Variants in DLG2 observed in about 807,000 individuals in gnomAD.
DLG2 encodes the protein discs large MAGUK scaffold protein 2.
A neutral mutation model predicts 132.5 loss-of-function variants in DLG2; 45 were observed. That is an observed-to-expected ratio of 0.34 (90% CI 0.27 to 0.44). DLG2 has a LOEUF of 0.44. Among genes scored for constraint, DLG2 ranks in the 20% least tolerant of loss-of-function variants. The pLI is 1.00. For missense variants in DLG2, 1,045 were observed against 1,196.9 expected (o/e 0.87, Z 1.87); for synonymous variants, 424 against 419.6 (o/e 1.01, Z -0.13).
intron 6 of DLG2, among the ~76,000 whole-genome samples, chr11:84,641,229 C>T (rs2099663031): frequency 6.6e-6 from 1 of 152,162 alleles, no homozygotes; most frequent in Admixed American, 6.5e-5. Context: ...CAAACTCTCT[C>T]TGTCTCAGCT....
chr11:83,687,396 A>G (rs1257609116), intron 18 of DLG2, among the ~76,000 whole-genome samples: 2 of 152,170 alleles, frequency 1.3e-5, no homozygotes, highest in Admixed American at 1.3e-4. Context: ...GTACCGCTTC[A>G]AAGTCTATGC....
intron 3 of DLG2, among the ~76,000 whole-genome samples, chr11:85,311,214 C>T (rs555658244): frequency 6.6e-6 from 1 of 152,110 alleles, no homozygotes; most frequent in East Asian, 1.9e-4. Context: ...TCGATGTTGT[C>T]CATTACAGAT....
intron 6 of DLG2, among the ~76,000 whole-genome samples, chr11:84,836,497 G>A (rs2079796650): frequency 6.6e-6 from 1 of 151,694 alleles, no homozygotes; most frequent in Admixed American, 6.6e-5. Flanking sequence ...AATGTCCCAT[G>A]GACATCAAAG....
At chr11:84,561,570 T>C (rs1354437659) in intron 6 of DLG2, among the ~76,000 whole-genome samples, 1 of 152,168 alleles carries the variant, frequency 6.6e-6, no homozygotes, top group African/African-American at 2.4e-5. Flanking sequence ...TATGTTTTAA[T>C]TGTATTTCAT....
chr11:84,621,819 T>C (rs1037971966), intron 6 of DLG2, among the ~76,000 whole-genome samples: 13 of 152,018 alleles, frequency 8.6e-5, no homozygotes. Flanking sequence ...GGCTGTAAGA[T>C]GCTTGGGGGA....
At chr11:83,927,498 A>G (rs772243045) in intron 15 of DLG2, among the ~76,000 whole-genome samples, 1 of 152,170 alleles carries the variant, frequency 6.6e-6, no homozygotes, top group Admixed American at 6.6e-5. Context: ...GGAAAAGCAT[A>G]TGTGAAACAC....
chr11:83,697,100 G>C (rs959849113), intron 18 of DLG2, among the ~76,000 whole-genome samples: 40 of 152,166 alleles, frequency 2.6e-4, no homozygotes, highest in African/African-American at 9.7e-4. Flanking sequence ...TGCCCTCAAA[G>C]AAATGAGTCA....
Position 85,117,712 on chromosome 11 carries a change from T to C in DLG2, c.283-5977A>G, listed in dbSNP as rs76778756. On this transcript the variant is annotated intron_variant, in intron 5 of 27. Coordinates refer to ENST00000376104, the MANE Select transcript of DLG2 (RefSeq NM_001142699.3). Reference sequence around the variant, plus strand: ...TGACATCCCCTTCCCCCAAAGCAGATGTCCTGTCTGAAGACCCCACAGTGG... The same window carrying C: ...TGACATCCCCTTCCCCCAAAGCAGACGTCCTGTCTGAAGACCCCACAGTGG... 3.1e-3 allele frequency among the ~76,000 whole-genome samples: 472 copies of C among 151,136 alleles called. 1 individual carries two copies. The highest frequency in any genetic ancestry group is 0.011 in the African/African-American group (457 of 41,222).
At chr11:83,497,371 C>T (rs956643482) in intron 21 of DLG2, among the ~76,000 whole-genome samples, 3 of 151,954 alleles carry the variant, frequency 2.0e-5, no homozygotes, top group Admixed American at 6.6e-5. Context: ...GGCAAAACCC[C>T]GAAAAATACA....
intron 4 of DLG2, among the ~76,000 whole-genome samples, chr11:85,227,680 C>A (rs1471264471): frequency 6.6e-6 from 1 of 152,068 alleles, no homozygotes; most frequent in African/African-American, 2.4e-5. Flanking sequence ...CAATGTTTCT[C>A]CTCTGTTCAA....
At chr11:83,588,547 G>A (rs1036036628) in intron 19 of DLG2, among the ~76,000 whole-genome samples, 6 of 152,048 alleles carry the variant, frequency 3.9e-5, no homozygotes, top group African/African-American at 9.7e-5. Flanking sequence ...GGAAAAAACA[G>A]AACAGAAAAA....
chr11:83,688,516 C>G (rs2080239439), intron 18 of DLG2, among the ~76,000 whole-genome samples: 1 of 152,094 alleles, frequency 6.6e-6, no homozygotes, highest in Non-Finnish European at 1.5e-5. Context: ...GCAAGATGGA[C>G]CAGCCTGGAG....
chr11:84,004,289 A>G (rs1023313173), intron 11 of DLG2, among the ~76,000 whole-genome samples: 1 of 152,184 alleles, frequency 6.6e-6, no homozygotes, highest in African/African-American at 2.4e-5. Context: ...TTACATATGC[A>G]AATCAACAAA....
At chr11:83,847,842 C>T (rs935149440) in intron 16 of DLG2, among the ~76,000 whole-genome samples, 5 of 152,160 alleles carry the variant, frequency 3.3e-5, no homozygotes, top group African/African-American at 1.2e-4. Context: ...TTGTTAGGTC[C>T]TCTCCAACTT....
At chr11:84,720,580 C>G (rs1051027837) in intron 6 of DLG2, 1 of 697,568 alleles carries the variant, frequency 1.4e-6, no homozygotes, top group African/African-American at 1.9e-5. Context: ...TCGGGGTCTC[C>G]CTTCCCTGGG....
rs2089302773 is a variant in DLG2 at position 83,458,258 on chromosome 11, C to T, written c.*1560G>A. 6.6e-6 allele frequency: 1 copy of T among 152,612 alleles called. No homozygotes were observed. The highest frequency in any genetic ancestry group is 2.1e-4 in the South Asian group (1 of 4,822). 9.5% of individuals were successfully genotyped at this position (152,612 alleles called of 1,614,324 possible). A position where few individuals can be genotyped will look rare whatever the true frequency, so the allele number is the denominator to read the frequency against. ...CAAAAGCAATGCTGATGTCGCCATC[C>T]ACTCTAAAGTGGGAAACCAACTCTT... On this transcript the variant is annotated 3_prime_UTR_variant, in exon 28 of 28. Coordinates refer to ENST00000376104, the MANE Select transcript of DLG2 (RefSeq NM_001142699.3).
At chr11:85,086,010 T>G (rs1178220728) in intron 6 of DLG2, among the ~76,000 whole-genome samples, 2 of 152,182 alleles carry the variant, frequency 1.3e-5, no homozygotes, top group East Asian at 3.8e-4. Flanking sequence ...TAGTTCATAA[T>G]GTCTTTATCC....
At chr11:83,842,071 TC>T (rs1471709181) in intron 16 of DLG2, among the ~76,000 whole-genome samples, 1 of 152,218 alleles carries the variant, frequency 6.6e-6, no homozygotes, top group Non-Finnish European at 1.5e-5. Context: ...TTTATTTTTC[TC>T]TTAATATTAT....
chr11:84,748,103 G>A (rs1472443861), intron 6 of DLG2, among the ~76,000 whole-genome samples: 8 of 152,168 alleles, frequency 5.3e-5, no homozygotes, highest in Admixed American at 5.2e-4. Flanking sequence ...GGCAACATCT[G>A]CTCTCAGGCT....
Sources: gnomAD v4.1 joint callset for allele counts (sites outside exome capture counted in the v4.1 genomes callset) on GRCh38, gnomAD v4.1.1 for gene constraint, MANE v1.5 for transcripts, NCBI Gene and HGNC (gene_info 2026-07-23, HGNC 2026-07-21) for gene names.